SBK1: variants seen among roughly 807,000 people sequenced by gnomAD.
The protein encoded by SBK1 is SH3 domain binding kinase 1.
In SBK1, 11 loss-of-function variants were observed where a neutral mutation model predicts 24.4. That is an observed-to-expected ratio of 0.45 (90% CI 0.28 to 0.75). The LOEUF (loss-of-function observed/expected upper bound fraction) is 0.75, where lower values mean the gene tolerates loss of function less well. Among genes scored for constraint, SBK1 ranks in the 30% least tolerant of loss-of-function variants. The pLI is 0.12. For missense variants in SBK1, 467 were observed against 620.5 expected (o/e 0.75, Z 2.63); for synonymous variants, 308 against 284.4 (o/e 1.08, Z -0.83).
chr16:28,284,356 A>T (rs1242754478), intron 1 of SBK1, among the ~76,000 whole-genome samples: 2 of 152,228 alleles, frequency 1.3e-5, no homozygotes, highest in Non-Finnish European at 2.9e-5. Context: ...GGATGGAGCC[A>T]GCTCGGAGAA....
In SBK1 at chr16:28,292,657, G is replaced by A. The variant is rs1279105055; in HGVS notation, c.-651G>A. ...GGAGCGCAGGGCCGGGCTGCTCGTA[G>A]CGGCGGCGACCGAGCCCCCCAGCGG... is the stretch of plus-strand genomic sequence containing the variant. On this transcript the variant is annotated 5_prime_UTR_variant, in exon 1 of 4. An upstream open reading frame in the 5' UTR loses its in-frame stop. Coordinates refer to ENST00000341901, the MANE Select transcript of SBK1 (RefSeq NM_001024401.3). 4.1e-6 allele frequency: 4 copies of A among 983,828 alleles called. No homozygotes were observed. The East Asian group carries it at 3.5e-4, about 85-fold the overall frequency. 60.9% of individuals were successfully genotyped at this position (983,828 alleles called of 1,614,324 possible).
chr16:28,293,268 C>G lies in SBK1; in HGVS notation c.-40C>G. On this transcript the variant is annotated 5_prime_UTR_variant, in exon 1 of 4. Coordinates refer to ENST00000341901, the MANE Select transcript of SBK1 (RefSeq NM_001024401.3). ...CGAAGACCGCGACGGCGCCCAGGCC[C>G]CCTGCCGCGGCGTCCCCGCGGCCCC... 1.6e-5 allele frequency: 16 copies of G among 985,572 alleles called. No homozygotes were observed. The highest frequency in any genetic ancestry group is 1.9e-5 in the Non-Finnish European group (16 of 830,046). The allele number at this position is 985,572 out of a possible 1,614,324, so 61.1% of individuals were successfully genotyped here. A position where few individuals can be genotyped will look rare whatever the true frequency, so the allele number is the denominator to read the frequency against.
intron 1 of SBK1, among the ~76,000 whole-genome samples, chr16:28,307,655 G>A (rs909339868): frequency 3.3e-5 from 5 of 150,060 alleles, no homozygotes; most frequent in African/African-American, 1.2e-4. Context: ...CAGGAGAATC[G>A]CTTGAACCCG....
chr16:28,314,087 T>A (rs1265605476), intron 1 of SBK1, among the ~76,000 whole-genome samples: 2 of 152,092 alleles, frequency 1.3e-5, no homozygotes, highest in Non-Finnish European at 2.9e-5. Flanking sequence ...GTTAACTTAC[T>A]TAACCCTCGC....
intron 1 of SBK1, among the ~76,000 whole-genome samples, chr16:28,275,008 A>G (rs2044487579): frequency 6.6e-6 from 1 of 152,166 alleles, no homozygotes; most frequent in South Asian, 2.1e-4. Flanking sequence ...ACGAGCTAAA[A>G]GAGTTGAGAT....
chr16:28,287,346 G>A (rs1168014330), intron 1 of SBK1, among the ~76,000 whole-genome samples: 1 of 150,546 alleles, frequency 6.6e-6, no homozygotes, highest in Non-Finnish European at 1.5e-5. Context: ...CCACTTGGGA[G>A]GCTGAGGCAA....
rs138045123 is a variant in SBK1, at chr16:28,286,346, C to G, written c.257+26844C>G. The G allele has an allele frequency of 3.2e-3, 488 of 152,488 alleles. 6 individuals are homozygous for G. The highest frequency in any genetic ancestry group is 0.018 in the East Asian group (95 of 5,178). 9.4% of individuals were successfully genotyped at this position (152,488 alleles called of 1,614,324 possible). On this transcript the variant is annotated intron_variant, in intron 1 of 3. Transcript: ENST00000671413. The stretch of plus-strand genomic sequence containing the variant: ...CTTGAGCCCAGGAGTTCAGAACCAA[C>G]CTGGGCAATAGAGCGAGACCCCTTC...
intron 1 of SBK1, among the ~76,000 whole-genome samples, chr16:28,265,845 G>A (rs1015161390): frequency 4.6e-5 from 7 of 151,568 alleles, no homozygotes; most frequent in South Asian, 2.1e-4. Flanking sequence ...GTGGTGGTAC[G>A]CACCTGTAAT....
At chr16:28,287,286 CA>C (rs56232453) in intron 1 of SBK1, among the ~76,000 whole-genome samples, 74 of 124,834 alleles carry the variant, frequency 5.9e-4, no homozygotes, top group Admixed American at 6.8e-4. Context: ...ACTAAAAATA[CA>C]AAAAAAAAAA....
At chr16:28,311,796 G>C (rs1019731024) in intron 1 of SBK1, among the ~76,000 whole-genome samples, 4 of 152,208 alleles carry the variant, frequency 2.6e-5, no homozygotes, top group African/African-American at 7.2e-5. Flanking sequence ...ACCTGACAGT[G>C]GGGGGCACAC....
chr16:28,273,476 G>A (rs543868108), intron 1 of SBK1, among the ~76,000 whole-genome samples: 22 of 152,182 alleles, frequency 1.4e-4, no homozygotes, highest in Non-Finnish European at 2.2e-4. Flanking sequence ...CGCCTGCCTC[G>A]GCCTCCCAAA....
chr16:28,312,568 G>GA (rs1567679270), intron 1 of SBK1, among the ~76,000 whole-genome samples: 1 of 152,212 alleles, frequency 6.6e-6, no homozygotes, highest in Non-Finnish European at 1.5e-5. Context: ...GGGCATGTGG[G>GA]ACCGGGTTCT....
At chr16:28,268,878 A>G (rs1032232213) in intron 1 of SBK1, among the ~76,000 whole-genome samples, 5 of 152,194 alleles carry the variant, frequency 3.3e-5, no homozygotes, top group Middle Eastern at 3.2e-3. Flanking sequence ...GAGGAGCTCC[A>G]GTGTCCCCAC....
intron 1 of SBK1, among the ~76,000 whole-genome samples, chr16:28,298,519 T>C (rs1393359946): frequency 6.6e-6 from 1 of 152,246 alleles, no homozygotes; most frequent in East Asian, 1.9e-4. Context: ...AGTTGTCTCC[T>C]GGGCCTCAGT....
chr16:28,280,792 G>A (rs1032152526), intron 1 of SBK1, among the ~76,000 whole-genome samples: 2 of 152,252 alleles, frequency 1.3e-5, no homozygotes, highest in African/African-American at 4.8e-5. Flanking sequence ...AGCCTCCTGA[G>A]TAACTGGGAT....
intron 1 of SBK1, chr16:28,285,390 C>T (rs2044559267): frequency 6.6e-6 from 1 of 152,160 alleles, no homozygotes; most frequent in Admixed American, 6.5e-5. Context: ...CTCGTCTCTA[C>T]TAAAAACACA....
At chr16:28,313,073 C>T (rs1007423820) in intron 1 of SBK1, among the ~76,000 whole-genome samples, 8 of 152,088 alleles carry the variant, frequency 5.3e-5, no homozygotes, top group Admixed American at 1.3e-4. Flanking sequence ...GAGGTTGCGG[C>T]GAGCCAAGAT....
intron 1 of SBK1, among the ~76,000 whole-genome samples, chr16:28,276,170 AGAG>A (rs2044492984): frequency 6.6e-6 from 1 of 151,958 alleles, no homozygotes; most frequent in South Asian, 2.1e-4. Flanking sequence ...GTTTGAGGAG[AGAG>A]GAGGAGGTGG....
intron 1 of SBK1, among the ~76,000 whole-genome samples, chr16:28,307,287 C>T (rs1177021834): frequency 2.0e-5 from 3 of 152,228 alleles, no homozygotes; most frequent in Non-Finnish European, 4.4e-5. Flanking sequence ...AACCCCAATA[C>T]ACAGATGTGG....
Sources: gnomAD v4.1 joint callset for allele counts (sites outside exome capture counted in the v4.1 genomes callset) on GRCh38, gnomAD v4.1.1 for gene constraint, MANE v1.5 for transcripts, NCBI Gene and HGNC (gene_info 2026-07-23, HGNC 2026-07-21) for gene names.